Variants in CTDSPL observed in about 807,000 individuals in gnomAD.
CTDSPL encodes CTD small phosphatase like.
In CTDSPL, 8 loss-of-function variants were observed where a neutral mutation model predicts 30.5. The observed-to-expected ratio is 0.26, with a 90% CI of 0.15 to 0.47. CTDSPL has a LOEUF of 0.47. Ranked by LOEUF, CTDSPL falls within the 20% of genes least tolerant of loss-of-function variation. CTDSPL has a pLI of 0.99. For synonymous variants in CTDSPL, 110 were observed against 137.9 expected (o/e 0.80, Z 1.42); for missense variants, 248 against 366.1 (o/e 0.68, Z 2.63).
At chr3:37,918,000 G>A (rs901140823) in intron 1 of CTDSPL, among the ~76,000 whole-genome samples, 1 of 152,150 alleles carries the variant, frequency 6.6e-6, no homozygotes, top group South Asian at 2.1e-4. Context: ...ATAAGAACAA[G>A]TAGGGGATAA....
At chr3:37,914,588 C>A (rs748923664) in intron 1 of CTDSPL, among the ~76,000 whole-genome samples, 1 of 152,152 alleles carries the variant, frequency 6.6e-6, no homozygotes, top group Non-Finnish European at 1.5e-5. Context: ...TGGATATGAT[C>A]ATTTGATTCA....
intron 7 of CTDSPL, among the ~76,000 whole-genome samples, chr3:37,979,694 G>A (rs1699468003): frequency 6.6e-6 from 1 of 152,194 alleles, no homozygotes; most frequent in South Asian, 2.1e-4. Flanking sequence ...AGCCCAGGAG[G>A]TCAAGGCTAC....
intron 1 of CTDSPL, among the ~76,000 whole-genome samples, chr3:37,900,460 G>A (rs966054851): frequency 2.6e-5 from 4 of 152,146 alleles, no homozygotes; most frequent in African/African-American, 7.2e-5. Context: ...GGCTTCTATT[G>A]ATACAAAGAT....
chr3:37,970,128 C>T (rs1699350521), intron 5 of CTDSPL, among the ~76,000 whole-genome samples: 1 of 152,212 alleles, frequency 6.6e-6, no homozygotes, highest in Admixed American at 6.5e-5. Flanking sequence ...TGGCTACTCT[C>T]TAGCTTCTCA....
intron 1 of CTDSPL, among the ~76,000 whole-genome samples, chr3:37,918,423 A>T (rs1698674278): frequency 6.6e-6 from 1 of 152,180 alleles, no homozygotes; most frequent in Non-Finnish European, 1.5e-5. Context: ...TTGTGGCCTC[A>T]TGTGAAATAT....
intron 1 of CTDSPL, among the ~76,000 whole-genome samples, chr3:37,936,050 T>G (rs1170625886): frequency 2.6e-5 from 4 of 152,154 alleles, no homozygotes; most frequent in Non-Finnish European, 5.9e-5. Context: ...TCAACAAATG[T>G]GGGTTGTTAT....
intron 1 of CTDSPL, among the ~76,000 whole-genome samples, chr3:37,884,437 G>C (rs1698241910): frequency 6.6e-6 from 1 of 152,166 alleles, no homozygotes; most frequent in Admixed American, 6.5e-5. Context: ...GTAGGATGTT[G>C]GGTAGTAGTT....
intron 1 of CTDSPL, among the ~76,000 whole-genome samples, chr3:37,904,642 G>A (rs911653004): frequency 6.6e-6 from 1 of 152,140 alleles, no homozygotes; most frequent in African/African-American, 2.4e-5. Context: ...CAGAGCCTTG[G>A]TGTTCAGCCT....
At chr3:37,948,808 C>CTTTTTTTTTTTTTTTTTT (rs71635858) in intron 2 of CTDSPL, among the ~76,000 whole-genome samples, 3 of 108,150 alleles carry the variant, frequency 2.8e-5, no homozygotes, top group African/African-American at 1.2e-4. Flanking sequence ...TTCCAGCTTT[C>CTTTTTTTTTTTTTTTTTT]TTTTTTTTTT....
At position 37,981,290 on chromosome 3, in the gene CTDSPL, C is replaced by T. The variant is rs564546406; in HGVS notation, c.*423C>T. Reference sequence around the variant, plus strand: ...GTGCCTTTTGAATGTTATTTTAAGCCGAGAGTTAATTTTTCTACACAACAT... The same window carrying T: ...GTGCCTTTTGAATGTTATTTTAAGCTGAGAGTTAATTTTTCTACACAACAT... On this transcript the variant is annotated 3_prime_UTR_variant, in exon 8 of 8. Transcript: ENST00000273179. The T allele has an allele frequency of 2.8e-4, 44 of 157,936 alleles. No homozygotes were observed. Among genetic ancestry groups the T allele is most frequent in the South Asian group, 5.3e-4 (3 of 5,714 alleles). 9.8% of individuals were successfully genotyped at this position (157,936 alleles called of 1,614,324 possible). A position where few individuals can be genotyped will look rare whatever the true frequency, so the allele number is the denominator to read the frequency against.
intron 1 of CTDSPL, among the ~76,000 whole-genome samples, chr3:37,863,163 G>T (rs1697965747): frequency 6.6e-6 from 1 of 152,162 alleles, no homozygotes; most frequent in Admixed American, 6.5e-5. Context: ...CAGCATGTTG[G>T]GAGGACTTAC....
rs1452536435 is a variant in CTDSPL, at chr3:37,908,882, G to A, written c.80-38175G>A. 5.9e-5 allele frequency among the ~76,000 whole-genome samples: 9 copies of A among 152,166 alleles called. No homozygotes were observed. The East Asian group carries it at 1.7e-3, about 29-fold the overall frequency. Reference sequence around the variant, plus strand: ...GTGAGGTTGAAAATTGTCCAAGTTTGTTAGAGATTGGTATTTCTGTTCATA... The same window carrying A: ...GTGAGGTTGAAAATTGTCCAAGTTTATTAGAGATTGGTATTTCTGTTCATA... On this transcript the variant is annotated intron_variant, in intron 1 of 7. Coordinates refer to ENST00000273179, the MANE Select transcript of CTDSPL (RefSeq NM_001008392.2).
In CTDSPL at chr3:37,960,491, A is replaced by AT. The variant is rs1559645045; in HGVS notation, c.267+3348_267+3349insT. Among the ~76,000 whole-genome samples the AT allele has an allele frequency of 7.0e-4, 40 of 57,300 alleles. 1 individual carries two copies. Among genetic ancestry groups the AT allele is most frequent in the African/African-American group, 3.1e-3 (38 of 12,084 alleles). 37.6% of individuals were successfully genotyped at this position (57,300 alleles called of 152,430 possible). A position where few individuals can be genotyped will look rare whatever the true frequency, so the allele number is the denominator to read the frequency against. The stretch of plus-strand genomic sequence containing the variant: ...GCAAAACTCTGTCTCAAAAAAAAAA[A>AT]AAAAAAAAAAAAAAATATATATATA... On this transcript the variant is annotated intron_variant, in intron 3 of 7. Transcript: ENST00000273179.
intron 3 of CTDSPL, among the ~76,000 whole-genome samples, chr3:37,958,382 A>G (rs963577506): frequency 2.0e-5 from 3 of 152,206 alleles, no homozygotes; most frequent in African/African-American, 7.2e-5. Context: ...TTTGAGGAAG[A>G]TGCTCAGCAG....
At chr3:37,879,792 C>T (rs1213221311) in intron 1 of CTDSPL, among the ~76,000 whole-genome samples, 2 of 152,092 alleles carry the variant, frequency 1.3e-5, no homozygotes, top group East Asian at 3.8e-4. Context: ...GTTATTTAAT[C>T]TCTCTGAGCC....
At chr3:37,962,021 C>T (rs1016005219) in intron 3 of CTDSPL, among the ~76,000 whole-genome samples, 1 of 152,194 alleles carries the variant, frequency 6.6e-6, no homozygotes, top group Non-Finnish European at 1.5e-5. Flanking sequence ...ACCCACCCCC[C>T]GGCAATGCTC....
At chr3:37,979,321 A>C (rs1699463729) in intron 7 of CTDSPL, among the ~76,000 whole-genome samples, 1 of 151,730 alleles carries the variant, frequency 6.6e-6, no homozygotes, top group Admixed American at 6.6e-5. Context: ...GAAAAAAAAA[A>C]GGCTGGGGTG....
intron 3 of CTDSPL, among the ~76,000 whole-genome samples, chr3:37,959,727 T>A (rs1186191661): frequency 6.6e-6 from 1 of 152,242 alleles, no homozygotes; most frequent in African/African-American, 2.4e-5. Flanking sequence ...TTCTTTGTGA[T>A]CAGTTTCTAT....
At chr3:37,953,258 C>G (rs1257902595) in intron 2 of CTDSPL, among the ~76,000 whole-genome samples, 4 of 152,200 alleles carry the variant, frequency 2.6e-5, no homozygotes, top group African/African-American at 9.7e-5. Context: ...GTATAACCAT[C>G]TTATCCTCAT....
Sources: gnomAD v4.1 joint callset for allele counts (sites outside exome capture counted in the v4.1 genomes callset) on GRCh38, gnomAD v4.1.1 for gene constraint, MANE v1.5 for transcripts, NCBI Gene and HGNC (gene_info 2026-07-23, HGNC 2026-07-21) for gene names.